Variants in PIR observed in about 807,000 individuals in gnomAD.
The protein encoded by PIR is pirin (iron-binding nuclear protein).
PIR carries 22 observed loss-of-function variants against 24.2 expected under a neutral mutation model. The ratio of observed to expected loss-of-function variants is 0.91; its 90% CI spans 0.65 to 1.30. The LOEUF (loss-of-function observed/expected upper bound fraction) is 1.30. PIR is among the 50% of genes most tolerant of loss of function. The pLI is 0.00. For missense variants in PIR, 220 were observed against 220.3 expected (o/e 1.00, Z 0.01); for synonymous variants, 80 against 79.6 (o/e 1.00, Z -0.03).
At chrX:15,470,262 TACAGGTAACGTATCA>T (rs1213484364) in intron 3 of PIR, among the ~76,000 whole-genome samples, 1 of 111,589 alleles carries the variant, frequency 9.0e-6, no homozygotes, top group Middle Eastern at 4.6e-3. Context: ...TTTTGAGGCT[TACAGGTAACGTATCA>T]ACATATGAAG....
intron 9 of PIR, among the ~76,000 whole-genome samples, chrX:15,385,354 C>T (rs1368252000): frequency 1.8e-5 from 2 of 112,029 alleles, no homozygotes; most frequent in African/African-American, 6.5e-5. Context: ...TGGCATCTCA[C>T]CCATTCAGTA....
chrX:15,384,961 G>T lies in PIR; in HGVS notation c.*43C>A. 1 of 717,555 alleles carries T rather than the reference G, an allele frequency of 1.4e-6. No homozygotes were observed. The highest frequency in any genetic ancestry group is 2.2e-6 in the Non-Finnish European group (1 of 461,738). The allele number at this position is 717,555 out of a possible 1,213,427, so 59.1% of individuals were successfully genotyped here. On this transcript the variant is annotated 3_prime_UTR_variant, in exon 10 of 10. Transcript: ENST00000380420. The stretch of plus-strand genomic sequence containing the variant: ...CTTCAATGGCTCAATCTCAGAAATG[G>T]CAAAATTCTAGGACACATCAAGACC...
At chrX:15,416,805 C>T (rs751764706) in intron 6 of PIR, among the ~76,000 whole-genome samples, 1 of 111,222 alleles carries the variant, frequency 9.0e-6, no homozygotes, top group Non-Finnish European at 1.9e-5. Flanking sequence ...TGGCCAAAAA[C>T]AAGAGAGCAG....
chrX:15,447,609 C>T (rs960878208), intron 5 of PIR, among the ~76,000 whole-genome samples: 4 of 112,209 alleles, frequency 3.6e-5, no homozygotes, highest in African/African-American at 9.7e-5. Context: ...TGAGCCACCA[C>T]GCCCGGCTGC....
chrX:15,439,779 A>G (rs761086569), intron 5 of PIR, among the ~76,000 whole-genome samples: 2 of 112,460 alleles, frequency 1.8e-5, no homozygotes, highest in East Asian at 5.6e-4. Flanking sequence ...GTCAGAGCTG[A>G]GATTTGAACC....
intron 5 of PIR, among the ~76,000 whole-genome samples, chrX:15,443,584 A>G (rs1359434467): frequency 8.9e-6 from 1 of 111,944 alleles, no homozygotes; most frequent in African/African-American, 3.2e-5. Flanking sequence ...TTATAATTAT[A>G]AATTTCATAA....
rs147768156 is a variant in PIR, at chrX:15,401,697, C to T, written c.611-4166G>A. Among the ~76,000 whole-genome samples, 398 of 111,972 alleles carry T rather than the reference C, an allele frequency of 3.6e-3. 1 individual carries two copies. Among genetic ancestry groups the T allele is most frequent in the Admixed American group, 0.028 (296 of 10,563 alleles). ...AGTTAAGGAAAAAATTAACTGAAAA[C>T]AATTTAATTGCAATTTTTTTGCCTA... On this transcript the variant is annotated intron_variant, in intron 7 of 9. Transcript: ENST00000380420.
At chrX:15,413,620 C>T (rs1213077722) in intron 6 of PIR, among the ~76,000 whole-genome samples, 1 of 111,864 alleles carries the variant, frequency 8.9e-6, no homozygotes, top group Non-Finnish European at 1.9e-5. Context: ...TTTGTAACTC[C>T]ACAATCTGAG....
At chrX:15,418,589 A>G (rs1281686005) in intron 6 of PIR, among the ~76,000 whole-genome samples, 1 of 112,283 alleles carries the variant, frequency 8.9e-6, no homozygotes, top group African/African-American at 3.2e-5. Flanking sequence ...TCAATTCCTG[A>G]TATCAACTGC....
intron 2 of PIR, among the ~76,000 whole-genome samples, chrX:15,487,313 G>GT (rs1438451783): frequency 1.9e-5 from 2 of 103,001 alleles, no homozygotes; most frequent in African/African-American, 7.1e-5. Context: ...TAAAATTTTT[G>GT]TAAGTATGAT....
At chrX:15,417,841 T>C (rs762276712) in intron 6 of PIR, among the ~76,000 whole-genome samples, 17 of 111,566 alleles carry the variant, frequency 1.5e-4, no homozygotes, top group African/African-American at 5.5e-4. Flanking sequence ...TCCCTGTTTC[T>C]CTTATTTAGA....
At position 15,385,057 on chromosome X, in the gene PIR, C is replaced by T. The variant is rs779037264; in HGVS notation, c.820G>A (p.Ala274Thr). The T allele has an allele frequency of 5.9e-6, 7 of 1,194,968 alleles. No individual in the cohort carries two copies. The highest frequency in any genetic ancestry group is 6.8e-6 in the Non-Finnish European group (6 of 882,566). ...ISQAILDFRN[A>T]KNGFERAKTW... ...TTGGCCCTTTCAAACCCATTTTTTG[C>T]GTTTCTGAAATCAAGAATAGCTTGA... Residue 274 changes from alanine to threonine, a missense_variant, in exon 10 of 10, where the codon GCA (alanine) becomes ACA (threonine). Coordinates refer to ENST00000380420, the MANE Select transcript of PIR (RefSeq NM_001018109.3).
In PIR at chrX:15,467,771, T is replaced by C. The variant is rs187259168; in HGVS notation, c.190-8031A>G. Among the ~76,000 whole-genome samples, 621 of 112,020 alleles carry C rather than the reference T, an allele frequency of 5.5e-3. 6 individuals are homozygous for C. The highest frequency in any genetic ancestry group is 0.02 in the African/African-American group (602 of 30,810). ...TTTTTTCTTTCACTCTGATTAAAAT[T>C]TCTGACATGGACATCAAGGTTCTAT... On this transcript the variant is annotated intron_variant, in intron 3 of 9. Transcript: ENST00000380420.
intron 8 of PIR, among the ~76,000 whole-genome samples, chrX:15,395,558 G>A (rs930720285): frequency 4.5e-5 from 5 of 112,026 alleles, no homozygotes; most frequent in African/African-American, 1.3e-4. Context: ...TGTAATATAC[G>A]TAATCTCAAA....
At chrX:15,456,102 A>G (rs1207419230) in intron 4 of PIR, 48 bp from the exon 5 acceptor site, 2 of 1,034,782 alleles carry the variant, frequency 1.9e-6, no homozygotes, top group African/African-American at 3.7e-5. Context: ...AGCTCCTAAT[A>G]AGTCTATAGG....
At chrX:15,427,111 G>A (rs891385454) in intron 5 of PIR, among the ~76,000 whole-genome samples, 5 of 111,849 alleles carry the variant, frequency 4.5e-5, no homozygotes, top group Admixed American at 2.8e-4. Context: ...AATGAAGACA[G>A]ACACAGAAGA....
intron 7 of PIR, among the ~76,000 whole-genome samples, chrX:15,400,762 T>TATTTATTTATTTATTTA: frequency 9.1e-6 from 1 of 109,787 alleles, no homozygotes; most frequent in Admixed American, 9.8e-5. Flanking sequence ...TTTATTTATT[T>TATTTATTTATTTATTTA]TTGAGATGGA....
At chrX:15,427,689 T>TAC (rs2147033459) in intron 5 of PIR, among the ~76,000 whole-genome samples, 1 of 105,680 alleles carries the variant, frequency 9.5e-6, no homozygotes, top group African/African-American at 3.7e-5. Context: ...GTACTGACAG[T>TAC]ACATACACAC....
intron 6 of PIR, among the ~76,000 whole-genome samples, chrX:15,416,988 A>G (rs1156479817): frequency 8.9e-6 from 1 of 111,844 alleles, no homozygotes; most frequent in African/African-American, 3.3e-5. Context: ...GCTGGAGTGA[A>G]GTGGGTGATC....
Sources: allele counts gnomAD v4.1 joint callset (sites outside exome capture counted in the v4.1 genomes callset), GRCh38; gene constraint gnomAD v4.1.1; transcripts MANE v1.5; gene names NCBI Gene and HGNC (gene_info 2026-07-23, HGNC 2026-07-21).